Variants in F13A1 observed in about 807,000 individuals in gnomAD.
F13A1 encodes the protein coagulation factor XIII A chain.
In F13A1, 47 loss-of-function variants were observed where a neutral mutation model predicts 80.1. The observed-to-expected ratio is 0.59, with a 90% CI of 0.46 to 0.75. The LOEUF (loss-of-function observed/expected upper bound fraction) is 0.75, where lower values mean the gene tolerates loss of function less well. F13A1 is among the 30% of genes least tolerant of loss of function. The probability of loss-of-function intolerance (pLI) is 0.00; values close to 1 mark genes in which losing one functional copy is unlikely to be tolerated. For missense variants in F13A1, 817 were observed against 930.4 expected (o/e 0.88, Z 1.59); for synonymous variants, 349 against 344.9 (o/e 1.01, Z -0.13).
chr6:6,221,861 G>A (rs1215373346), intron 8 of F13A1, among the ~76,000 whole-genome samples, 172 bp downstream of exon 8: 1 of 152,190 alleles, frequency 6.6e-6, no homozygotes, highest in Non-Finnish European at 1.5e-5. Flanking sequence ...TGTCTCTTCA[G>A]TAACATTTCT....
intron 8 of F13A1, 93 bp from the exon 9 acceptor site, chr6:6,197,419 C>T: frequency 8.2e-7 from 1 of 1,220,182 alleles, no homozygotes; most frequent in South Asian, 1.2e-5. Context: ...GTGGCTCATG[C>T]CTGTAATCCC....
rs3024373 is a variant in F13A1 at position 6,250,605 on chromosome 6, C to A, written c.690+206G>T. On this transcript the variant is annotated intron_variant, in intron 5 of 14. Coordinates refer to ENST00000264870, the MANE Select transcript of F13A1 (RefSeq NM_000129.4). This position sits in a 1 kb window ranked among gnomAD's most constrained non-coding sequence, Gnocchi z 4.2. ...CTCTCATTTCTGTAACACTGTAATA[C>A]CCAGAGATATGTGGTTTCAGCTGAT... Among the ~76,000 whole-genome samples, 2,487 of 152,154 alleles carry A rather than the reference C, an allele frequency of 0.016. 61 individuals carry two copies. Among genetic ancestry groups the A allele is most frequent in the East Asian group, 0.11 (576 of 5,180 alleles).
In F13A1 at chr6:6,151,824, C is replaced by G; in HGVS notation, c.2034G>C (p.Lys678Asn). ...LDGPGVTRPM[K>N]KMFREIRPNS... ...AACCCAAGGTTTACCGGAACATCTTCTTCATTGGTCTTGTTACTCCAGGAC... is the reference window on the plus strand; with the variant it reads ...AACCCAAGGTTTACCGGAACATCTTGTTCATTGGTCTTGTTACTCCAGGAC... The change falls in exon 14 of 15, where the codon AAG becomes AAC. Residue 678 changes from lysine (K) to asparagine (N), a missense_variant. By Grantham distance (94) the Lys-to-Asn change is moderately conservative. Coordinates refer to ENST00000264870, the MANE Select transcript of F13A1 (RefSeq NM_000129.4). 1 of 1,614,070 alleles carries G rather than the reference C, an allele frequency of 6.2e-7. No individual in the cohort carries two copies. Among genetic ancestry groups the G allele is most frequent in the Non-Finnish European group, 8.5e-7 (1 of 1,179,956 alleles).
At chr6:6,293,232 G>C (rs1176393398) in intron 3 of F13A1, among the ~76,000 whole-genome samples, 1 of 152,116 alleles carries the variant, frequency 6.6e-6, no homozygotes, top group Non-Finnish European at 1.5e-5. Flanking sequence ...TGAAACCTCT[G>C]CCGTTTTGAG....
chr6:6,273,717 T>C (rs1227360502), intron 3 of F13A1, among the ~76,000 whole-genome samples: 1 of 152,212 alleles, frequency 6.6e-6, no homozygotes, highest in African/African-American at 2.4e-5. Context: ...CCTTGAAGTA[T>C]GAAGGTAACA....
intron 4 of F13A1, among the ~76,000 whole-genome samples, chr6:6,264,372 T>C (rs1757816294): frequency 6.6e-6 from 1 of 152,226 alleles, no homozygotes; most frequent in South Asian, 2.1e-4. Flanking sequence ...GATTTTCTTT[T>C]TGTAATAAAA....
chr6:6,250,580 C>G lies in F13A1; in HGVS notation c.690+231G>C, dbSNP rs929523843. Among the ~76,000 whole-genome samples, 2 of 152,162 alleles carry G rather than the reference C, an allele frequency of 1.3e-5. No homozygotes were observed. Among genetic ancestry groups the G allele is most frequent in the African/African-American group, 4.8e-5 (2 of 41,424 alleles). ...TAGAATGCCACATTATTCATGGAAT[C>G]TCTCATTTCTGTAACACTGTAATAC... On this transcript the variant is annotated intron_variant, in intron 5 of 14. Coordinates refer to ENST00000264870, the MANE Select transcript of F13A1 (RefSeq NM_000129.4). The surrounding 1 kb of genome is among the most constrained non-coding windows in gnomAD (Gnocchi z 4.2).
chr6:6,260,954 G>A (rs1423764582), intron 4 of F13A1, among the ~76,000 whole-genome samples: 1 of 151,990 alleles, frequency 6.6e-6, no homozygotes, highest in African/African-American at 2.4e-5. Context: ...ATCTCCTGAG[G>A]TTTTTTGTTT....
At chr6:6,155,575 T>A (rs1460365753) in intron 13 of F13A1, among the ~76,000 whole-genome samples, 3 of 151,934 alleles carry the variant, frequency 2.0e-5, no homozygotes, top group Non-Finnish European at 4.4e-5. Flanking sequence ...AAACTTCCTG[T>A]CCCTGACTAC....
At chr6:6,195,135 C>A (rs1761267001) in intron 10 of F13A1, among the ~76,000 whole-genome samples, 1 of 152,226 alleles carries the variant, frequency 6.6e-6, no homozygotes, top group African/African-American at 2.4e-5. Flanking sequence ...ATTTTCAGAG[C>A]TCTCCTTGAG....
At position 6,243,125 on chromosome 6, in the gene F13A1, TCAC is replaced by T. The variant is rs986359380; in HGVS notation, c.798+5184_798+5186del. ...ACCATCACCACCACCACTACCACTA[TCAC>T]CACCATCATAAATCACCACCACCAC... On this transcript the variant is annotated intron_variant, in intron 6 of 14. Coordinates refer to ENST00000264870, the MANE Select transcript of F13A1 (RefSeq NM_000129.4). The surrounding 1 kb of genome is among the most constrained non-coding windows in gnomAD (Gnocchi z 4.2). Among the ~76,000 whole-genome samples, 28 of 151,266 alleles carry T rather than the reference TCAC, an allele frequency of 1.9e-4. No homozygotes were observed. Among genetic ancestry groups the T allele is most frequent in the African/African-American group, 6.8e-4 (28 of 41,218 alleles).
intron 3 of F13A1, among the ~76,000 whole-genome samples, chr6:6,278,972 T>G (rs148599072): frequency 6.6e-6 from 1 of 152,178 alleles, no homozygotes; most frequent in Non-Finnish European, 1.5e-5. Flanking sequence ...ATTCCCCCTT[T>G]GCTTGTTGGT....
chr6:6,245,786 A>T (rs1372921624), intron 6 of F13A1, among the ~76,000 whole-genome samples: 1 of 152,202 alleles, frequency 6.6e-6, no homozygotes, highest in Non-Finnish European at 1.5e-5. Flanking sequence ...TGCCCTCAGG[A>T]AAGTTCTGCC....
intron 8 of F13A1, among the ~76,000 whole-genome samples, chr6:6,220,674 C>G (rs1757179878): frequency 6.6e-6 from 1 of 152,056 alleles, no homozygotes; most frequent in Non-Finnish European, 1.5e-5. Context: ...TTTGGGGTGA[C>G]TATTTTGGTC....
At chr6:6,302,661 T>G (rs1158018483) in intron 3 of F13A1, among the ~76,000 whole-genome samples, 1 of 151,936 alleles carries the variant, frequency 6.6e-6, no homozygotes, top group African/African-American at 2.4e-5. Context: ...TGCATGCTAC[T>G]GTAGACTTTA....
chr6:6,172,554 T>G (rs1760795664), intron 12 of F13A1, among the ~76,000 whole-genome samples: 1 of 151,892 alleles, frequency 6.6e-6, no homozygotes, highest in Non-Finnish European at 1.5e-5. Flanking sequence ...CAGGTGATTC[T>G]CCTGTCTTAG....
intron 2 of F13A1, among the ~76,000 whole-genome samples, chr6:6,306,562 G>A (rs1758515243): frequency 6.6e-6 from 1 of 152,196 alleles, no homozygotes; most frequent in Non-Finnish European, 1.5e-5. Flanking sequence ...GAAAGTGGGG[G>A]TCATCCTAAC....
chr6:6,185,923 G>A (rs1245682975), intron 10 of F13A1, among the ~76,000 whole-genome samples: 58 of 150,208 alleles, frequency 3.9e-4, no homozygotes, highest in Middle Eastern at 3.5e-3. Context: ...TCTAACTGGT[G>A]TGAGATGGTA....
At chr6:6,298,335 G>A (rs983969037) in intron 3 of F13A1, among the ~76,000 whole-genome samples, 1 of 149,282 alleles carries the variant, frequency 6.7e-6, no homozygotes, top group Non-Finnish European at 1.5e-5. Context: ...TCTGTCTAAT[G>A]TTGACAGTGG....
Sources: gnomAD v4.1 joint callset for allele counts (sites outside exome capture counted in the v4.1 genomes callset) on GRCh38, gnomAD v4.1.1 for gene constraint, Gnocchi (gnomAD v3.1) non-coding constraint, MANE v1.5 for transcripts, NCBI Gene and HGNC (gene_info 2026-07-23, HGNC 2026-07-21) for gene names.